PKIB: variants seen among roughly 807,000 people sequenced by gnomAD.
PKIB encodes the protein PKI-beta.
A neutral mutation model predicts 4.5 loss-of-function variants in PKIB; 2 were observed. That is an observed-to-expected ratio of 0.44 (90% CI 0.18 to 1.39). The LOEUF (loss-of-function observed/expected upper bound fraction) is 1.39. Among genes scored for constraint, PKIB ranks in the 40% most tolerant of loss-of-function variants. The pLI, the probability that PKIB is intolerant of heterozygous loss-of-function variation, is 0.27. For missense variants in PKIB, 94 were observed against 92.6 expected, an observed-to-expected ratio of 1.02 and a Z score of -0.06; for synonymous variants, 38 against 36.0, an observed-to-expected ratio of 1.06 and a Z score of -0.20.
intron 2 of PKIB, among the ~76,000 whole-genome samples, chr6:122,667,634 T>C (rs1003690866): frequency 6.6e-6 from 1 of 152,182 alleles, no homozygotes; most frequent in African/African-American, 2.4e-5. Flanking sequence ...GATTATAATA[T>C]AGGTAAGAAA....
chr6:122,701,047 T>C, intron 3 of PKIB: 1 of 165,554 alleles, frequency 6.0e-6, no homozygotes, highest in Non-Finnish European at 1.3e-5. Context: ...CCCCACCCTT[T>C]TCTTTTTTCA....
At chr6:122,706,157 C>A (rs1041644788) in intron 3 of PKIB, among the ~76,000 whole-genome samples, 1 of 152,130 alleles carries the variant, frequency 6.6e-6, no homozygotes, top group African/African-American at 2.4e-5. Flanking sequence ...GGATTCCTCC[C>A]AAATTTTGAG....
chr6:122,540,825 TG>T lies in PKIB; in HGVS notation c.-247-45095del, dbSNP rs1777572716. On this transcript the variant is annotated intron_variant, in intron 2 of 6. Coordinates refer to the PKIB transcript ENST00000392491. ...TATTGTGTGGGAGTCTAAGTCTCTT[TG>T]TAGGTCACTCAGGACTTGCTTTATG... 4.0e-5 allele frequency among the ~76,000 whole-genome samples: 6 copies of T among 151,742 alleles called. No homozygotes were observed. In the South Asian group the frequency reaches 1.2e-3, roughly 31 times the overall value.
chr6:122,472,637 G>T (rs994138178), intron 1 of PKIB, among the ~76,000 whole-genome samples: 1 of 152,108 alleles, frequency 6.6e-6, no homozygotes, highest in African/African-American at 2.4e-5. Context: ...CTAATAATAA[G>T]AAAGTGTTGT....
At chr6:122,577,466 A>G (rs965925207) in intron 2 of PKIB, among the ~76,000 whole-genome samples, 4 of 152,242 alleles carry the variant, frequency 2.6e-5, no homozygotes, top group Admixed American at 1.3e-4. Context: ...AGACACAAAA[A>G]GATGTCAGAT....
intron 3 of PKIB, among the ~76,000 whole-genome samples, chr6:122,679,134 T>G (rs1156882347): frequency 1.3e-5 from 2 of 152,022 alleles, no homozygotes; most frequent in African/African-American, 4.8e-5. Context: ...AAAACTTCAG[T>G]TTTGAGTAGT....
At chr6:122,491,066 T>A (rs1307382579) in intron 2 of PKIB, among the ~76,000 whole-genome samples, 11 of 152,130 alleles carry the variant, frequency 7.2e-5, no homozygotes, top group Admixed American at 7.2e-4. Flanking sequence ...GAGTGAAAGT[T>A]TATTAAAAAG....
rs544572534 is a variant in PKIB at position 122,547,941 on chromosome 6, A to G, written c.-247-37980A>G. Among the ~76,000 whole-genome samples the G allele has an allele frequency of 1.8e-4, 27 of 152,256 alleles. No homozygotes were observed. The South Asian group carries it at 5.4e-3, about 30-fold the overall frequency. ...TGTCTCCTTTGGCCTATCCTTGACT[A>G]AAGCACATCCATATACCTTACACTC... On this transcript the variant is annotated intron_variant, in intron 2 of 6. Coordinates refer to the PKIB transcript ENST00000392491.
chr6:122,592,224 A>T (rs1227550292), intron 3 of PKIB, among the ~76,000 whole-genome samples: 1 of 152,118 alleles, frequency 6.6e-6, no homozygotes, highest in Non-Finnish European at 1.5e-5. Flanking sequence ...GCAGGGCATC[A>T]TTTACATAGA....
intron 2 of PKIB, among the ~76,000 whole-genome samples, chr6:122,497,301 A>G (rs1776100958): frequency 6.6e-6 from 1 of 152,242 alleles, no homozygotes; most frequent in Non-Finnish European, 1.5e-5. Context: ...CAGAACCTAT[A>G]CAACAACTAC....
chr6:122,474,704 C>T (rs1200676919), intron 1 of PKIB, among the ~76,000 whole-genome samples: 1 of 152,196 alleles, frequency 6.6e-6, no homozygotes, highest in Non-Finnish European at 1.5e-5. Flanking sequence ...AAATACTTGT[C>T]AGAATAGACA....
chr6:122,519,907 A>G (rs1174324117), intron 2 of PKIB, among the ~76,000 whole-genome samples: 1 of 152,176 alleles, frequency 6.6e-6, no homozygotes, highest in Non-Finnish European at 1.5e-5. Flanking sequence ...TCCAGATACA[A>G]TACCCTAATC....
chr6:122,606,712 A>G (rs1319332894), upstream of PKIB, among the ~76,000 whole-genome samples: 2 of 151,368 alleles, frequency 1.3e-5, no homozygotes, highest in Non-Finnish European at 2.9e-5. Context: ...GGTGTAGGTC[A>G]CCAAATTTGT....
chr6:122,661,214 C>T (rs1294747362), intron 2 of PKIB, among the ~76,000 whole-genome samples: 1 of 152,112 alleles, frequency 6.6e-6, no homozygotes, highest in Non-Finnish European at 1.5e-5. Context: ...ACTTTATTGA[C>T]ATAATTTGCT....
chr6:122,510,463 T>A (rs1347557820), intron 2 of PKIB, among the ~76,000 whole-genome samples: 1 of 152,088 alleles, frequency 6.6e-6, no homozygotes, highest in Non-Finnish European at 1.5e-5. Context: ...TAATGGTAAA[T>A]TTTTCAAAAC....
intron 2 of PKIB, among the ~76,000 whole-genome samples, chr6:122,514,379 T>A (rs139578590): frequency 2.1e-3 from 313 of 152,308 alleles, no homozygotes; most frequent in Non-Finnish European, 3.6e-3. Flanking sequence ...CAAACTCAAA[T>A]TCTCTATGGT....
rs972814212 is a variant in PKIB at position 122,506,878 on chromosome 6, T to A, written c.-248+28939T>A. ...TCACGCCCGGCTAATTTTTTTTGTA[T>A]TTTTAGTAGAGACGGGGTTTCACCG... On this transcript the variant is annotated intron_variant, in intron 2 of 6. Coordinates refer to the PKIB transcript ENST00000392491. Among the ~76,000 whole-genome samples, 3 of 151,332 alleles carry A rather than the reference T, an allele frequency of 2.0e-5. No individual in the cohort carries two copies. In the East Asian group the frequency reaches 5.9e-4, roughly 30 times the overall value.
intron 2 of PKIB, among the ~76,000 whole-genome samples, chr6:122,547,445 C>T (rs964747308): frequency 3.3e-5 from 5 of 152,096 alleles, no homozygotes; most frequent in African/African-American, 9.7e-5. Flanking sequence ...AAGCGATTCT[C>T]CTGCCTCAGC....
At chr6:122,712,254 T>C (rs1259479215) in intron 3 of PKIB, among the ~76,000 whole-genome samples, 3 of 152,196 alleles carry the variant, frequency 2.0e-5, no homozygotes, top group African/African-American at 7.2e-5. Flanking sequence ...TCTTTGTAAC[T>C]TGTGGGCCAG....
Sources: allele counts gnomAD v4.1 joint callset (sites outside exome capture counted in the v4.1 genomes callset), GRCh38; gene constraint gnomAD v4.1.1; transcripts MANE v1.5; gene names NCBI Gene and HGNC (gene_info 2026-07-23, HGNC 2026-07-21).